The following PEX7 variants were observed in gnomAD, a reference collection of about 807,000 sequenced individuals.
PEX7 encodes the protein peroxisomal biogenesis factor 7.
PEX7 carries 34 observed loss-of-function variants against 47.5 expected under a neutral mutation model. That is an observed-to-expected ratio of 0.72 (90% CI 0.54 to 0.95). The LOEUF (loss-of-function observed/expected upper bound fraction) is 0.95, where lower values mean the gene tolerates loss of function less well. PEX7 is among the 40% of genes least tolerant of loss of function. PEX7 has a pLI of 0.00. For missense variants in PEX7, 394 were observed against 400.3 expected (o/e 0.98, Z 0.13); for synonymous variants, 141 against 148.8 (o/e 0.95, Z 0.38).
intron 3 of PEX7, chr6:136,829,941 G>T: frequency 1.5e-6 from 1 of 689,052 alleles, no homozygotes; most frequent in Non-Finnish European, 2.6e-6. Context: ...TGTCTTAAAA[G>T]AAAGTTATTA....
At chr6:136,897,107 A>C (rs1775665214) in intron 8 of PEX7, among the ~76,000 whole-genome samples, 1 of 152,240 alleles carries the variant, frequency 6.6e-6, no homozygotes, top group Non-Finnish European at 1.5e-5. Flanking sequence ...GTACCCACAC[A>C]GTGGATTATC....
chr6:136,865,093 G>A (rs1775034996), intron 5 of PEX7, among the ~76,000 whole-genome samples: 1 of 152,124 alleles, frequency 6.6e-6, no homozygotes. Flanking sequence ...ATTTAATTGG[G>A]TGTCTGTGCA....
chr6:136,845,276 CT>C (rs2115169819), intron 3 of PEX7, among the ~76,000 whole-genome samples: 1 of 152,306 alleles, frequency 6.6e-6, no homozygotes, highest in South Asian at 2.1e-4. Flanking sequence ...AGATGACTAA[CT>C]TTCTAATCTG....
chr6:136,822,658 CG>C lies in PEX7; in HGVS notation c.-5del, dbSNP rs1277075249. On this transcript the variant is annotated 5_prime_UTR_variant, in exon 1 of 10. Transcript: ENST00000318471. ...CCGGGGCAGCGAGGGCCGGGGGCGG[CG>C]GGCGGGATGAGTGCGGTGTGCGGTG... is the stretch of plus-strand genomic sequence containing the variant. 1 of 1,521,472 alleles carries C rather than the reference CG, an allele frequency of 6.6e-7. No individual in the cohort carries two copies. The highest frequency in any genetic ancestry group is 1.2e-5 in the South Asian group (1 of 83,654). The allele number at this position is 1,521,472 out of a possible 1,614,324, so 94.2% of individuals were successfully genotyped here.
chr6:136,836,060 G>C (rs953097908), intron 3 of PEX7, among the ~76,000 whole-genome samples: 5 of 152,184 alleles, frequency 3.3e-5, no homozygotes, highest in African/African-American at 1.2e-4. Context: ...ATTGTAGATA[G>C]AAATTAAAAT....
chr6:136,912,566 T>C (rs1775950213), intron 9 of PEX7, among the ~76,000 whole-genome samples: 2 of 152,230 alleles, frequency 1.3e-5, no homozygotes, highest in African/African-American at 4.8e-5. Flanking sequence ...CTCTGTTCTC[T>C]TCCTTTGATC....
Position 136,822,592 on chromosome 6 carries a change from A to G in PEX7, c.-74A>G. ...TCCGTCCGGTCTGCCTGGTCTCTCT[A>G]ACCGCGCCAGTGTGCCTCCGACTCG... On this transcript the variant is annotated 5_prime_UTR_variant, in exon 1 of 10. Coordinates refer to ENST00000318471, the MANE Select transcript of PEX7 (RefSeq NM_000288.4). 1 of 1,375,892 alleles carries G rather than the reference A, an allele frequency of 7.3e-7. No individual in the cohort carries two copies. The highest frequency in any genetic ancestry group is 9.9e-7 in the Non-Finnish European group (1 of 1,007,538). 85.2% of individuals were successfully genotyped at this position (1,375,892 alleles called of 1,614,324 possible). A position where few individuals can be genotyped will look rare whatever the true frequency, so the allele number is the denominator to read the frequency against.
chr6:136,879,599 C>T (rs1014160964), intron 8 of PEX7, among the ~76,000 whole-genome samples: 3 of 152,108 alleles, frequency 2.0e-5, no homozygotes, highest in African/African-American at 7.2e-5. Flanking sequence ...TGTTGCATTT[C>T]AGTTTTTCTT....
intron 3 of PEX7, among the ~76,000 whole-genome samples, chr6:136,845,156 G>T (rs944028068): frequency 6.6e-6 from 1 of 152,200 alleles, no homozygotes; most frequent in Non-Finnish European, 1.5e-5. Context: ...TTTACCAAGA[G>T]ATCTGGAAGG....
chr6:136,889,800 G>A (rs1775524894), intron 8 of PEX7, among the ~76,000 whole-genome samples: 1 of 152,192 alleles, frequency 6.6e-6, no homozygotes. Flanking sequence ...GCAACTAAAA[G>A]AATTTAGAGT....
chr6:136,858,479 G>A (rs1774902185), intron 5 of PEX7, among the ~76,000 whole-genome samples: 1 of 152,138 alleles, frequency 6.6e-6, no homozygotes, highest in Non-Finnish European at 1.5e-5. Flanking sequence ...CTAGAATCTG[G>A]CTAATCATCA....
intron 3 of PEX7, among the ~76,000 whole-genome samples, chr6:136,836,630 A>G (rs1232376615): frequency 1.3e-5 from 2 of 152,206 alleles, no homozygotes; most frequent in African/African-American, 4.8e-5. Flanking sequence ...TTGTGATTAT[A>G]CATTCCTAAT....
chr6:136,908,504 A>C lies in PEX7; in HGVS notation c.904-4954A>C, dbSNP rs995931658. ...ATGAAAAGATTAGCATGTTGGTCTT[A>C]GCTTAAAGGAAATTCAGAAGGGCAT... On this transcript the variant is annotated intron_variant, in intron 9 of 9. Coordinates refer to ENST00000318471, the MANE Select transcript of PEX7 (RefSeq NM_000288.4). 3.9e-5 allele frequency among the ~76,000 whole-genome samples: 6 copies of C among 152,180 alleles called. No homozygotes were observed. The South Asian group carries it at 6.2e-4, about 16-fold the overall frequency.
At chr6:136,865,170 G>C (rs1775037058) in intron 5 of PEX7, among the ~76,000 whole-genome samples, 1 of 152,112 alleles carries the variant, frequency 6.6e-6, no homozygotes, top group African/African-American at 2.4e-5. Context: ...TAGCTTGTTG[G>C]CCAGGCATGG....
intron 8 of PEX7, among the ~76,000 whole-genome samples, chr6:136,880,973 T>A (rs1207001107): frequency 2.0e-5 from 3 of 152,144 alleles, no homozygotes; most frequent in African/African-American, 7.2e-5. Flanking sequence ...AAGTAGTGAT[T>A]ATAAAGTTTT....
At chr6:136,848,626 G>C (rs1220846822) in intron 5 of PEX7, among the ~76,000 whole-genome samples, 1 of 152,032 alleles carries the variant, frequency 6.6e-6, no homozygotes, top group East Asian at 1.9e-4. Flanking sequence ...TTTTGTCTTT[G>C]GTTCTGTTTA....
Position 136,846,198 on chromosome 6 carries a change from T to C in PEX7, c.526+17T>C, listed in dbSNP as rs752413898. 20 of 1,522,918 alleles carry C rather than the reference T, an allele frequency of 1.3e-5. No homozygotes were observed. Among genetic ancestry groups the C allele is most frequent in the Non-Finnish European group, 1.7e-5 (19 of 1,098,190 alleles). The allele number at this position is 1,522,918 out of a possible 1,614,324, so 94.3% of individuals were successfully genotyped here. ...CAGCCTCAGGTAAATTATTCTGTATTTACCAAAAGCCTTACTTGTAGTGAA... is the reference window on the plus strand; with the variant it reads ...CAGCCTCAGGTAAATTATTCTGTATCTACCAAAAGCCTTACTTGTAGTGAA... On this transcript the variant is annotated intron_variant, in intron 5 of 9. Transcript: ENST00000318471.
In PEX7 at chr6:136,873,584, G is replaced by A. The variant is rs78541938; in HGVS notation, c.803+1331G>A. Reference sequence around the variant, plus strand: ...ATCTTATCACCTGCAAATAAAGGTGGTTCTACACCTTCATTTCCAATTCTG... The same window carrying A: ...ATCTTATCACCTGCAAATAAAGGTGATTCTACACCTTCATTTCCAATTCTG... On this transcript the variant is annotated intron_variant, in intron 8 of 9. Coordinates refer to ENST00000318471, the MANE Select transcript of PEX7 (RefSeq NM_000288.4). Among the ~76,000 whole-genome samples, 548 of 152,162 alleles carry A rather than the reference G, an allele frequency of 3.6e-3. 14 individuals carry two copies. In the South Asian group the frequency reaches 0.042, roughly 12 times the overall value.
chr6:136,867,273 G>T (rs935911635), intron 6 of PEX7, among the ~76,000 whole-genome samples: 1 of 152,134 alleles, frequency 6.6e-6, no homozygotes, highest in Non-Finnish European at 1.5e-5. Flanking sequence ...TTAAATATGT[G>T]TTAATATACT....
Sources: allele counts gnomAD v4.1 joint callset (sites outside exome capture counted in the v4.1 genomes callset), GRCh38; gene constraint gnomAD v4.1.1; transcripts MANE v1.5; gene names NCBI Gene and HGNC (gene_info 2026-07-23, HGNC 2026-07-21).